NCL: variants seen among roughly 807,000 people sequenced by gnomAD.
NCL encodes the protein nucleolin multifunctional protein.
A neutral mutation model predicts 77.7 loss-of-function variants in NCL; 4 were observed. That is an observed-to-expected ratio of 0.05 (90% CI 0.03 to 0.12). The LOEUF is 0.12. Ranked by LOEUF, NCL falls within the 10% of genes least tolerant of loss-of-function variation. The pLI is 1.00. For synonymous variants in NCL, 344 were observed against 297.8 expected (o/e 1.16, Z -1.60); for missense variants, 763 against 860.9 (o/e 0.89, Z 1.42).
In NCL at chr2:231,464,124, C is replaced by T. The variant is rs2046977850; in HGVS notation, c.18+212G>A. On this transcript the variant is annotated intron_variant, in intron 1 of 13. Transcript: ENST00000322723. ...CTCAGTGACTCTGTCTTTCCCGCCGCGTTCGCCGCCCCCAGCACCTGCAGA... is the reference window on the plus strand; with the variant it reads ...CTCAGTGACTCTGTCTTTCCCGCCGTGTTCGCCGCCCCCAGCACCTGCAGA... 3 of 1,379,766 alleles carry T rather than the reference C, an allele frequency of 2.2e-6. No homozygotes were observed. The East Asian group carries it at 7.9e-5, about 36-fold the overall frequency. The allele number at this position is 1,379,766 out of a possible 1,614,324, so 85.5% of individuals were successfully genotyped here. A position where few individuals can be genotyped will look rare whatever the true frequency, so the allele number is the denominator to read the frequency against.
Position 231,454,724 on chromosome 2 carries a change from A to T in NCL, c.*467T>A, listed in dbSNP as rs191339569. The T allele has an allele frequency of 2.5e-4, 40 of 158,612 alleles. No individual in the cohort carries two copies. Among genetic ancestry groups the T allele is most frequent in the Admixed American group, 2.1e-3 (35 of 16,568 alleles). 9.8% of individuals were successfully genotyped at this position (158,612 alleles called of 1,614,324 possible). On this transcript the variant is annotated 3_prime_UTR_variant, in exon 14 of 14. Coordinates refer to ENST00000322723, the MANE Select transcript of NCL (RefSeq NM_005381.3). ...ATGCTCTCCAGTGACATTCCAGGGG[A>T]AACACTCTTTAGGAAGTAACACGTC... is the stretch of plus-strand genomic sequence containing the variant.
chr2:231,457,186 A>G, intron 9 of NCL, 62 bp from the exon 10 acceptor site: 1 of 1,602,916 alleles, frequency 6.2e-7, no homozygotes, highest in Non-Finnish European at 8.5e-7. Context: ...TTCGGTCACA[A>G]CAGTAATATC....
intron 7 of NCL, 144 bp downstream of exon 7, chr2:231,458,857 A>G: frequency 1.1e-6 from 1 of 912,342 alleles, no homozygotes; most frequent in Non-Finnish European, 1.5e-6. Flanking sequence ...ACTGTAGCTC[A>G]TTTAATTCCC....
Position 231,455,519 on chromosome 2 carries a change from T to C in NCL, c.1938A>G (p.Lys646=), listed in dbSNP as rs757001519. The C allele has an allele frequency of 1.4e-5, 22 of 1,614,086 alleles. No individual in the cohort carries two copies. In the Admixed American group the frequency reaches 2.2e-4, roughly 16 times the overall value. ...DGNKVTLDWA[K]PKGEGGFGGR... is the part of the protein sequence containing the mutation. The stretch of plus-strand genomic sequence containing the variant: ...CCCCGAAGCCACCTTCACCCTTAGG[T>C]TTGGCCCAGTCCAAGGTAACTTTAT... The change falls in exon 13 of 14, where the codon AAA becomes AAG. Residue 646 remains lysine, a synonymous_variant. Transcript: ENST00000322723.
At position 231,454,978 on chromosome 2, in the gene NCL, T is replaced by TATCA. The variant is rs938364370; in HGVS notation, c.*209_*212dup. 42 of 537,704 alleles carry TATCA rather than the reference T, an allele frequency of 7.8e-5. No homozygotes were observed. Among genetic ancestry groups the TATCA allele is most frequent in the Admixed American group, 3.1e-4 (10 of 32,240 alleles). 33.3% of individuals were successfully genotyped at this position (537,704 alleles called of 1,614,324 possible). ...AAAACTTACAGATAAGGGTTAGCTC[T>TATCA]ATCACTCAACTCTTTAAAAAGTTTA... On this transcript the variant is annotated 3_prime_UTR_variant, in exon 14 of 14. Coordinates refer to ENST00000322723, the MANE Select transcript of NCL (RefSeq NM_005381.3).
In NCL at chr2:231,460,738, C is replaced by T. The variant is rs767316253; in HGVS notation, c.742G>A (p.Asp248Asn). Residue 248 changes from aspartate (D) to asparagine (N), a missense_variant, in exon 4 of 14, where the codon GAC (aspartate) becomes AAC (asparagine). Physicochemically the swap from Asp to Asn is conservative, Grantham distance 23 (BLOSUM62 1). Transcript: ENST00000322723. ...TCATCTTCATCATCTTCGTCGTCGTCGTCATCCTCGTCCTCATCATCCTCT... is the reference window on the plus strand; with the variant it reads ...TCATCTTCATCATCTTCGTCGTCGTTGTCATCCTCGTCCTCATCATCCTCT... ...EEEDDEDEDD[D>N]DDEDDEDDDD... The T allele has an allele frequency of 4.3e-6, 7 of 1,612,746 alleles. No homozygotes were observed. The East Asian group carries it at 6.7e-5, about 15-fold the overall frequency.
At position 231,453,621 on chromosome 2, in the gene NCL, C is replaced by T. The variant is rs1426989898; in HGVS notation, c.*1570G>A. ...GTCCTTAGGCTTGCCTCATAGGAGA[C>T]CCTCCCACTGCTTTTTCATCGTAGT... On this transcript the variant is annotated 3_prime_UTR_variant, in exon 14 of 14. Transcript: ENST00000322723. 1.3e-5 allele frequency: 2 copies of T among 154,226 alleles called. No homozygotes were observed. The highest frequency in any genetic ancestry group is 2.9e-5 in the Non-Finnish European group (2 of 69,314). The allele number at this position is 154,226 out of a possible 1,614,324, so 9.6% of individuals were successfully genotyped here.
intron 8 of NCL, 45 bp downstream of exon 8, chr2:231,458,221 C>T: frequency 6.3e-7 from 1 of 1,589,154 alleles, no homozygotes; most frequent in South Asian, 1.1e-5. Context: ...CAGGAAAGTG[C>T]ATTAATGTTA....
At position 231,464,317 on chromosome 2, in the gene NCL, C is replaced by G; in HGVS notation, c.18+19G>C. The G allele has an allele frequency of 6.3e-7, 1 of 1,586,820 alleles. No individual in the cohort carries two copies. ...GAAAGCAGGCCTACACGTCTGCGCT[C>G]GCGCTCAAGGCCGTTTACCTTCGCG... On this transcript the variant is annotated intron_variant, in intron 1 of 13. Transcript: ENST00000322723.
Position 231,460,291 on chromosome 2 carries a change from T to C in NCL, c.901A>G (p.Thr301Ala), listed in dbSNP as rs2046934221. Residue 301 changes from threonine to alanine, a missense_variant and splice_region_variant, in exon 6 of 14, where the codon ACA (threonine) becomes GCA (alanine). Around this residue, in one of 2 missense-constraint regions of NCL, gnomAD observed 590 missense variants for 570.5 expected, o/e 1.03. Coordinates refer to ENST00000322723, the MANE Select transcript of NCL (RefSeq NM_005381.3). ...PEAKKQKVEGTEPTTAFNLFV... is the reference protein window; with the variant it reads ...PEAKKQKVEGAEPTTAFNLFV... ...AGATTGAAAGCCGTAGTCGGTTCTGTGCCTGCACAAAAAAAGCTCAACTCA... is the reference window on the plus strand; with the variant it reads ...AGATTGAAAGCCGTAGTCGGTTCTGCGCCTGCACAAAAAAAGCTCAACTCA... The C allele has an allele frequency of 6.2e-7, 1 of 1,613,842 alleles. No individual in the cohort carries two copies. Among genetic ancestry groups the C allele is most frequent in the Non-Finnish European group, 8.5e-7 (1 of 1,179,930 alleles).
intron 6 of NCL, among the ~76,000 whole-genome samples, 169 bp downstream of exon 6, chr2:231,459,983 G>A (rs1010287642): frequency 1.3e-5 from 2 of 152,186 alleles, no homozygotes; most frequent in Non-Finnish European, 2.9e-5. Flanking sequence ...TATGGAAATT[G>A]CAACTTAGGG....
chr2:231,456,497 T>C (rs763335147), intron 11 of NCL, 134 bp downstream of exon 11: 23 of 1,374,068 alleles, frequency 1.7e-5, no homozygotes, highest in Non-Finnish European at 2.4e-5. Context: ...CATCAATTAT[T>C]TCTCAGGTAA....
rs951807410 is a variant in NCL, at chr2:231,464,458, C to A, written c.-105G>T. The A allele has an allele frequency of 1.5e-5, 22 of 1,460,200 alleles. No homozygotes were observed. Among genetic ancestry groups the A allele is most frequent in the Middle Eastern group, 1.7e-4 (1 of 5,828 alleles). 90.5% of individuals were successfully genotyped at this position (1,460,200 alleles called of 1,614,324 possible). A position where few individuals can be genotyped will look rare whatever the true frequency, so the allele number is the denominator to read the frequency against. The stretch of plus-strand genomic sequence containing the variant: ...TGCTGAAGATCCCGGAGCACGTACA[C>A]CCGAAGGCCAGCGAGAGCTCGAGAC... On this transcript the variant is annotated 5_prime_UTR_variant, in exon 1 of 14. Coordinates refer to ENST00000322723, the MANE Select transcript of NCL (RefSeq NM_005381.3).
Position 231,462,070 on chromosome 2 carries a change from A to T in NCL, c.136-53T>A, listed in dbSNP as rs769586422. 3.8e-5 allele frequency: 60 copies of T among 1,594,022 alleles called. No homozygotes were observed. In the Middle Eastern group the frequency reaches 9.9e-4, roughly 26 times the overall value. On this transcript the variant is annotated intron_variant, in intron 2 of 13. Coordinates refer to ENST00000322723, the MANE Select transcript of NCL (RefSeq NM_005381.3). The stretch of plus-strand genomic sequence containing the variant: ...TAAGTCCAGCCCCACACCCAAAAAG[A>T]TAACCATGGTCCCAATGAGATGTTA...
chr2:231,464,044 T>G, intron 1 of NCL: 1 of 1,149,248 alleles, frequency 8.7e-7, no homozygotes, highest in Non-Finnish European at 1.1e-6. Flanking sequence ...CTCGTACGCG[T>G]CGCAAAAGTT....
chr2:231,455,175 A>G lies in NCL; in HGVS notation c.*16T>C. ...CCTTTCTTTCAAATGGAAAAGGGAA[A>G]GCAGAGGGACAGAAGCTATTCAAAC... On this transcript the variant is annotated 3_prime_UTR_variant, in exon 14 of 14. Transcript: ENST00000322723. 1 of 1,614,144 alleles carries G rather than the reference A, an allele frequency of 6.2e-7. No individual in the cohort carries two copies. The highest frequency in any genetic ancestry group is 8.5e-7 in the Non-Finnish European group (1 of 1,180,002).
intron 4 of NCL, 21 bp from the exon 5 acceptor site, chr2:231,460,585 T>C (rs374778507): frequency 1.4e-5 from 23 of 1,614,210 alleles, no homozygotes; most frequent in Middle Eastern, 1.6e-4. Context: ...TGTCAAACAA[T>C]GTATCACACA....
chr2:231,461,963 C>T lies in NCL; in HGVS notation c.190G>A (p.Val64Met). 6.2e-7 allele frequency: 1 copy of T among 1,614,236 alleles called. No individual in the cohort carries two copies. Among genetic ancestry groups the T allele is most frequent in the Non-Finnish European group, 8.5e-7 (1 of 1,180,048 alleles). Reference sequence around the variant, plus strand: ...ACCTTTTTTGTTGGGGAAACGACCACCTTCTTTGCTGAGGTTGCAGCAGCC... The same window carrying T: ...ACCTTTTTTGTTGGGGAAACGACCATCTTCTTTGCTGAGGTTGCAGCAGCC... ...KKAAATSAKK[V>M]VVSPTKKVAV... Residue 64 changes from valine (V) to methionine (M), a missense_variant, in exon 3 of 14, where the codon GTG becomes ATG. By Grantham distance (21) the Val-to-Met change is conservative (BLOSUM62 1). Transcript: ENST00000322723.
At chr2:231,455,874 T>C in intron 12 of NCL, 136 bp downstream of exon 12, 1 of 1,385,410 alleles carries the variant, frequency 7.2e-7, no homozygotes, top group Non-Finnish European at 1.0e-6. Context: ...GTGAATTCTC[T>C]CTTCTTCTCG....
Sources: allele counts gnomAD v4.1 joint callset (sites outside exome capture counted in the v4.1 genomes callset), GRCh38; gene constraint gnomAD v4.1.1; regional missense constraint gnomAD v4.1.1; transcripts MANE v1.5; gene names NCBI Gene and HGNC (gene_info 2026-07-23, HGNC 2026-07-21).